MGMT: variants seen among roughly 807,000 people sequenced by gnomAD.
MGMT encodes methylated-DNA--protein-cysteine methyltransferase.
In MGMT, 14 loss-of-function variants were observed where a neutral mutation model predicts 15.9. That is an observed-to-expected ratio of 0.88 (90% CI 0.58 to 1.37). The LOEUF (loss-of-function observed/expected upper bound fraction) is 1.37, where lower values mean the gene tolerates loss of function less well. Among genes scored for constraint, MGMT ranks in the 40% most tolerant of loss-of-function variants. The probability of loss-of-function intolerance (pLI) is 0.00; values close to 1 mark genes in which losing one functional copy is unlikely to be tolerated. For missense variants in MGMT, 282 were observed against 268.1 expected, an observed-to-expected ratio of 1.05 and a Z score of -0.36; for synonymous variants, 130 against 118.2, an observed-to-expected ratio of 1.10 and a Z score of -0.65.
At chr10:129,628,859 AG>A (rs1564741956) in intron 2 of MGMT, among the ~76,000 whole-genome samples, 3 of 152,198 alleles carry the variant, frequency 2.0e-5, no homozygotes, top group African/African-American at 7.2e-5. Context: ...GTTTTTCACG[AG>A]ACAGAAAAAA....
chr10:129,748,920 C>T (rs1419204563), intron 3 of MGMT, among the ~76,000 whole-genome samples: 1 of 152,148 alleles, frequency 6.6e-6, no homozygotes, highest in East Asian at 1.9e-4. Context: ...CACCTGTGCT[C>T]ATGGGAAACA....
rs1283729043 is a variant in MGMT, at chr10:129,704,246, G to A, written c.126-3649G>A. On this transcript the variant is annotated intron_variant, in intron 2 of 4. Coordinates refer to ENST00000651593, the MANE Select transcript of MGMT (RefSeq NM_002412.5). ...ACCTCACTAACGGGGAAGGAAATTGGGCAGTGAAAAGACAGCACTCCCATG... is the reference window on the plus strand; with the variant it reads ...ACCTCACTAACGGGGAAGGAAATTGAGCAGTGAAAAGACAGCACTCCCATG... 2.0e-5 allele frequency among the ~76,000 whole-genome samples: 3 copies of A among 152,038 alleles called. No homozygotes were observed. The South Asian group carries it at 6.2e-4, about 32-fold the overall frequency.
intron 2 of MGMT, among the ~76,000 whole-genome samples, chr10:129,576,260 G>A (rs1261493098): frequency 6.6e-5 from 10 of 152,260 alleles, no homozygotes; most frequent in South Asian, 2.1e-4. Flanking sequence ...CAATATCCTT[G>A]ATGAACATTG....
At chr10:129,585,095 A>G (rs1846603444) in intron 2 of MGMT, among the ~76,000 whole-genome samples, 1 of 152,186 alleles carries the variant, frequency 6.6e-6, no homozygotes, top group Admixed American at 6.5e-5. Context: ...CCTGCCAGCA[A>G]TGTATGAGGG....
intron 2 of MGMT, among the ~76,000 whole-genome samples, chr10:129,593,192 G>C (rs990518165): frequency 6.6e-6 from 1 of 152,156 alleles, no homozygotes. Context: ...TCATTCCCTC[G>C]ATGTTATCCG....
At chr10:129,542,461 T>C (rs1021180283) in intron 2 of MGMT, among the ~76,000 whole-genome samples, 1 of 152,104 alleles carries the variant, frequency 6.6e-6, no homozygotes, top group Non-Finnish European at 1.5e-5. Context: ...TAATTGATCT[T>C]TCAAGGAGGA....
intron 3 of MGMT, among the ~76,000 whole-genome samples, chr10:129,721,822 AGCATATT>A (rs1848375441): frequency 1.0e-5 from 1 of 98,328 alleles, no homozygotes; most frequent in Non-Finnish European, 2.1e-5. Flanking sequence ...TATTAGAATT[AGCATATT>A]AGAATGCTAA....
At chr10:129,745,673 T>G (rs1036324240) in intron 3 of MGMT, among the ~76,000 whole-genome samples, 1 of 152,216 alleles carries the variant, frequency 6.6e-6, no homozygotes, top group African/African-American at 2.4e-5. Context: ...TGTAATGATA[T>G]CTCATTGTTT....
intron 1 of MGMT, among the ~76,000 whole-genome samples, chr10:129,468,701 A>G (rs1445943196): frequency 6.6e-6 from 1 of 152,128 alleles, no homozygotes; most frequent in African/African-American, 2.4e-5. Context: ...CCTGGCCAAC[A>G]TGGTGAAACC....
At chr10:129,652,784 A>G (rs1847476717) in intron 2 of MGMT, among the ~76,000 whole-genome samples, 1 of 152,216 alleles carries the variant, frequency 6.6e-6, no homozygotes, top group African/African-American at 2.4e-5. Context: ...ATTCCCTGCC[A>G]TGCAGGGCGC....
At chr10:129,512,136 C>T (rs1357290967) in intron 1 of MGMT, among the ~76,000 whole-genome samples, 3 of 152,154 alleles carry the variant, frequency 2.0e-5, no homozygotes, top group East Asian at 1.9e-4. Context: ...ATTCTGCCCT[C>T]GCACGTGGTG....
At chr10:129,645,118 C>CTTTTTTTTTTTTTTTT (rs10606297) in intron 2 of MGMT, among the ~76,000 whole-genome samples, 2 of 121,950 alleles carry the variant, frequency 1.6e-5, no homozygotes, top group Non-Finnish European at 3.4e-5. Context: ...CCTGAAAGCC[C>CTTTTTTTTTTTTTTTT]TTTTTTTTTT....
chr10:129,728,424 G>A (rs1193268524), intron 3 of MGMT, among the ~76,000 whole-genome samples: 11 of 152,138 alleles, frequency 7.2e-5, no homozygotes, highest in Middle Eastern at 3.2e-3. Context: ...CCAAGGGGGC[G>A]GACCCCGCAG....
At position 129,565,125 on chromosome 10, in the gene MGMT, G is replaced by A. The variant is rs773500997; in HGVS notation, c.125+28748G>A. Among the ~76,000 whole-genome samples, 12 of 152,220 alleles carry A rather than the reference G, an allele frequency of 7.9e-5. No homozygotes were observed. In the South Asian group the frequency reaches 1.2e-3, roughly 16 times the overall value. On this transcript the variant is annotated intron_variant, in intron 2 of 4. Coordinates refer to ENST00000651593, the MANE Select transcript of MGMT (RefSeq NM_002412.5). ...TGCGTGTAGCCTGCCCGGCGGGGCC[G>A]GGGTGTGGCAGGACCGAAGCCTGCT...
At chr10:129,705,987 T>C (rs1848155782) in intron 2 of MGMT, among the ~76,000 whole-genome samples, 1 of 152,210 alleles carries the variant, frequency 6.6e-6, no homozygotes, top group Non-Finnish European at 1.5e-5. Flanking sequence ...CCCAGCTTCA[T>C]GGTCCTCCAG....
intron 2 of MGMT, among the ~76,000 whole-genome samples, chr10:129,697,721 G>A (rs760700588): frequency 3.3e-5 from 5 of 152,160 alleles, no homozygotes; most frequent in African/African-American, 4.8e-5. Context: ...GAGATGTGAC[G>A]TCGAGGCGCC....
chr10:129,700,603 C>T lies in MGMT; in HGVS notation c.126-7292C>T, dbSNP rs78651108. On this transcript the variant is annotated intron_variant, in intron 2 of 4. Coordinates refer to ENST00000651593, the MANE Select transcript of MGMT (RefSeq NM_002412.5). Reference sequence around the variant, plus strand: ...CCTGAGTCAGTATTCTCACCACTAACCGCATGCATTTCAGATCCTCAGTAA... The same window carrying T: ...CCTGAGTCAGTATTCTCACCACTAATCGCATGCATTTCAGATCCTCAGTAA... 2.0e-5 allele frequency: 3 copies of T among 152,288 alleles called. No individual in the cohort carries two copies. In the East Asian group the frequency reaches 5.8e-4, roughly 29 times the overall value. The allele number at this position is 152,288 out of a possible 1,614,324, so 9.4% of individuals were successfully genotyped here.
At chr10:129,752,913 T>C (rs1848765020) in intron 3 of MGMT, among the ~76,000 whole-genome samples, 1 of 152,184 alleles carries the variant, frequency 6.6e-6, no homozygotes, top group Non-Finnish European at 1.5e-5. Context: ...ATTCCTGATG[T>C]TCCAAGCTTC....
chr10:129,594,998 G>A (rs369573508), intron 2 of MGMT, among the ~76,000 whole-genome samples: 30 of 152,168 alleles, frequency 2.0e-4, no homozygotes, highest in African/African-American at 6.0e-4. Context: ...AGCGCCCCAC[G>A]TCTCACGGTT....
Sources: gnomAD v4.1 joint callset for allele counts (sites outside exome capture counted in the v4.1 genomes callset) on GRCh38, gnomAD v4.1.1 for gene constraint, MANE v1.5 for transcripts, NCBI Gene and HGNC (gene_info 2026-07-23, HGNC 2026-07-21) for gene names.